NUGGC: variants seen among roughly 807,000 people sequenced by gnomAD.
NUGGC encodes nuclear GTPase, germinal center associated, also known as nuclear GTPase SLIP-GC.
A neutral mutation model predicts 92.6 loss-of-function variants in NUGGC; 58 were observed. The observed-to-expected ratio is 0.63, with a 90% CI of 0.51 to 0.78. The LOEUF is 0.78. NUGGC is among the 30% of genes least tolerant of loss of function. The pLI, the probability that NUGGC is intolerant of heterozygous loss-of-function variation, is 0.00. For missense variants in NUGGC, 925 were observed against 964.6 expected (o/e 0.96, Z 0.54); for synonymous variants, 376 against 366.4 (o/e 1.03, Z -0.30).
chr8:28,056,124 A>G (rs1810128999), intron 9 of NUGGC, 70 bp from the exon 10 acceptor site: 2 of 856,574 alleles, frequency 2.3e-6, no homozygotes, highest in African/African-American at 3.4e-5. Flanking sequence ...GGCAAGATGC[A>G]CATTTTTTTG....
intron 11 of NUGGC, among the ~76,000 whole-genome samples, chr8:28,047,038 T>G (rs1447892765): frequency 6.6e-6 from 1 of 151,864 alleles, no homozygotes; most frequent in Non-Finnish European, 1.5e-5. Context: ...TGGCGCAATC[T>G]TGGCTCACTG....
chr8:28,053,918 T>C (rs1810068741), intron 10 of NUGGC, among the ~76,000 whole-genome samples: 1 of 152,220 alleles, frequency 6.6e-6, no homozygotes, highest in South Asian at 2.1e-4. Context: ...TGAGGCCTAA[T>C]GATATTGCGC....
intron 12 of NUGGC, 42 bp from the exon 13 acceptor site, chr8:28,041,257 T>C (rs1237275051): frequency 1.3e-6 from 2 of 1,564,276 alleles, no homozygotes; most frequent in Non-Finnish European, 1.7e-6. Flanking sequence ...ACCCCCTCCC[T>C]AAGGGCACCT....
chr8:28,078,196 A>G (rs1291196432), intron 1 of NUGGC, among the ~76,000 whole-genome samples: 6 of 152,198 alleles, frequency 3.9e-5, no homozygotes, highest in African/African-American at 1.4e-4. Context: ...ATTTGGAATC[A>G]TTGGAAATTA....
intron 14 of NUGGC, among the ~76,000 whole-genome samples, chr8:28,031,749 T>C (rs1431676571): frequency 1.3e-5 from 2 of 152,216 alleles, no homozygotes; most frequent in Non-Finnish European, 2.9e-5. Flanking sequence ...ACTTGAACTA[T>C]ACCTAAAAGT....
chr8:28,042,630 T>A (rs911473856), intron 12 of NUGGC, among the ~76,000 whole-genome samples: 4 of 152,176 alleles, frequency 2.6e-5, no homozygotes, highest in Non-Finnish European at 5.9e-5. Context: ...TCCTGCCTCC[T>A]GCCGTATGAC....
intron 18 of NUGGC, 32 bp downstream of exon 18, chr8:28,026,930 T>C: frequency 6.9e-7 from 1 of 1,440,220 alleles, no homozygotes; most frequent in Non-Finnish European, 9.8e-7. Context: ...GTCTGCACAA[T>C]CACCCTGTAT....
intron 11 of NUGGC, 31 bp downstream of exon 11, chr8:28,047,476 T>G: frequency 1.5e-6 from 2 of 1,328,314 alleles, no homozygotes; most frequent in Non-Finnish European, 2.1e-6. Context: ...TTGAGAATTT[T>G]AGTGATGGAG....
At chr8:28,026,266 T>A (rs1809257457) in intron 18 of NUGGC, among the ~76,000 whole-genome samples, 2 of 152,214 alleles carry the variant, frequency 1.3e-5, no homozygotes, top group African/African-American at 4.8e-5. Flanking sequence ...TCCCCCCATA[T>A]AAGGATATCT....
chr8:28,065,899 C>T (rs1001849934), intron 6 of NUGGC, among the ~76,000 whole-genome samples: 4 of 152,200 alleles, frequency 2.6e-5, no homozygotes, highest in Admixed American at 1.3e-4. Context: ...GAGCAGATAC[C>T]GTAAGAGAGA....
Position 28,074,892 on chromosome 8 carries a change from T to C in NUGGC, c.-46-436A>G, listed in dbSNP as rs192546409. On this transcript the variant is annotated intron_variant, in intron 1 of 18. Coordinates refer to ENST00000413272, the MANE Select transcript of NUGGC (RefSeq NM_001010906.2). ...AGGCGGGGCTTGTAGTGAGCCGAGA[T>C]GGAACCACTGCACTCCAGCCTGGAT... Among the ~76,000 whole-genome samples, 321 of 152,152 alleles carry C rather than the reference T, an allele frequency of 2.1e-3. 2 individuals carry two copies. The highest frequency in any genetic ancestry group is 7.0e-3 in the African/African-American group (289 of 41,490).
intron 10 of NUGGC, among the ~76,000 whole-genome samples, chr8:28,053,004 A>C (rs1810044125): frequency 6.6e-6 from 1 of 152,064 alleles, no homozygotes; most frequent in Admixed American, 6.6e-5. Context: ...GGACCTAGGA[A>C]AGGGAGACAT....
intron 6 of NUGGC, 134 bp from the exon 7 acceptor site, chr8:28,064,865 A>C (rs1366212852): frequency 2.9e-6 from 2 of 691,078 alleles, no homozygotes; most frequent in East Asian, 5.4e-5. Context: ...GCCTGCAATC[A>C]GGTCTGTAGG....
At chr8:28,053,913 C>T (rs1243611368) in intron 10 of NUGGC, among the ~76,000 whole-genome samples, 2 of 152,120 alleles carry the variant, frequency 1.3e-5, no homozygotes, top group East Asian at 3.9e-4. Flanking sequence ...AAGTATGAGG[C>T]CTAATGATAT....
intron 1 of NUGGC, among the ~76,000 whole-genome samples, chr8:28,083,548 G>A (rs1313088398): frequency 6.6e-6 from 1 of 152,124 alleles, no homozygotes; most frequent in Non-Finnish European, 1.5e-5. Context: ...TCTGAATCAA[G>A]CACAGACTTT....
chr8:28,029,221 C>T (rs113558485), intron 17 of NUGGC, 45 bp downstream of exon 17: 59 of 1,576,268 alleles, frequency 3.7e-5, no homozygotes, highest in African/African-American at 1.6e-4. Context: ...TCTCCTCCCC[C>T]GGAGCCTCTC....
rs923711306 is a variant in NUGGC at position 28,039,926 on chromosome 8, G to A, written c.1611+1125C>T. On this transcript the variant is annotated intron_variant, in intron 13 of 18. Coordinates refer to ENST00000413272, the MANE Select transcript of NUGGC (RefSeq NM_001010906.2). ...TAATTAAGGTTAAATGGGGTCATAAGGGTGGGGCCCTGATCTGACAGGTGT... is the reference window on the plus strand; with the variant it reads ...TAATTAAGGTTAAATGGGGTCATAAAGGTGGGGCCCTGATCTGACAGGTGT... Among the ~76,000 whole-genome samples the A allele has an allele frequency of 1.4e-4, 21 of 152,324 alleles. 3 individuals are homozygous for A. Among genetic ancestry groups the A allele is most frequent in the Admixed American group, 1.2e-3 (19 of 15,302 alleles).
At chr8:28,041,878 G>C (rs1168498736) in intron 12 of NUGGC, among the ~76,000 whole-genome samples, 2 of 152,124 alleles carry the variant, frequency 1.3e-5, no homozygotes, top group African/African-American at 4.8e-5. Context: ...AGAAAGCCTT[G>C]ACCCCTAGGT....
At position 28,033,166 on chromosome 8, in the gene NUGGC, T is replaced by A. The variant is rs75906896; in HGVS notation, c.1769+374A>T. ...CAGAGCAAGACCCTGTCTCATTTTTTAAAAAAAAGGAAGAAAGAAAGTTCT... is the reference window on the plus strand; with the variant it reads ...CAGAGCAAGACCCTGTCTCATTTTTAAAAAAAAAGGAAGAAAGAAAGTTCT... On this transcript the variant is annotated intron_variant, in intron 14 of 18. Transcript: ENST00000413272. Among the ~76,000 whole-genome samples the A allele has an allele frequency of 7.3e-3, 1,107 of 151,748 alleles. 12 individuals are homozygous for A. The highest frequency in any genetic ancestry group is 0.025 in the African/African-American group (1,015 of 41,370).
Sources: allele counts gnomAD v4.1 joint callset (sites outside exome capture counted in the v4.1 genomes callset), GRCh38; gene constraint gnomAD v4.1.1; transcripts MANE v1.5; gene names NCBI Gene and HGNC (gene_info 2026-07-23, HGNC 2026-07-21).